SMAD3: variants seen among roughly 807,000 people sequenced by gnomAD.
SMAD3 encodes SMAD family member 3.
Under a neutral mutation model 51.8 loss-of-function variants are expected in SMAD3, and 12 were observed. That is an observed-to-expected ratio of 0.23 (90% confidence interval 0.15 to 0.38). SMAD3 has a LOEUF of 0.38. Ranked by LOEUF, SMAD3 falls within the 10% of genes least tolerant of loss-of-function variation. The pLI is 1.00. For synonymous variants in SMAD3, 238 were observed against 227.7 expected, an observed-to-expected ratio of 1.05 and a Z score of -0.41; for missense variants, 294 against 565.6, an observed-to-expected ratio of 0.52 and a Z score of 4.87.
At chr15:67,135,505 C>G (rs999293556) in intron 1 of SMAD3, among the ~76,000 whole-genome samples, 11 of 152,052 alleles carry the variant, frequency 7.2e-5, no homozygotes, top group African/African-American at 2.7e-4. Flanking sequence ...TAGGCCCTCT[C>G]TAAATAAATA....
At chr15:67,160,663 C>T (rs1408660876) in intron 1 of SMAD3, among the ~76,000 whole-genome samples, 3 of 151,264 alleles carry the variant, frequency 2.0e-5, no homozygotes, top group South Asian at 2.1e-4. Context: ...CCCAGTTGCT[C>T]GGGAGGCTGA....
At chr15:67,110,617 T>C (rs768400127) in intron 1 of SMAD3, among the ~76,000 whole-genome samples, 33 of 152,348 alleles carry the variant, frequency 2.2e-4, no homozygotes, top group Non-Finnish European at 4.3e-4. Context: ...GTTCTGCCTC[T>C]CTGTGTCTGT....
chr15:67,160,872 A>G (rs933913223), intron 1 of SMAD3, among the ~76,000 whole-genome samples: 1 of 150,746 alleles, frequency 6.6e-6, no homozygotes, highest in Admixed American at 6.6e-5. Context: ...ATTATCAAAT[A>G]TACGCTTTGC....
chr15:67,150,390 A>G (rs887080446), intron 1 of SMAD3, among the ~76,000 whole-genome samples: 8 of 152,170 alleles, frequency 5.3e-5, no homozygotes, highest in Non-Finnish European at 1.2e-4. Flanking sequence ...AAACTTTAAG[A>G]TTTGTTTTGA....
chr15:67,136,122 AAGGCCAGATCAGTGATT>A (rs1191156511), intron 1 of SMAD3, among the ~76,000 whole-genome samples: 2 of 152,220 alleles, frequency 1.3e-5, no homozygotes, highest in African/African-American at 4.8e-5. Flanking sequence ...CTGAATATCC[AAGGCCAGATCAGTGATT>A]CAAGATCACA....
intron 1 of SMAD3, chr15:67,098,752 T>TCC (rs1460264898): frequency 1.6e-6 from 1 of 634,482 alleles, no homozygotes; most frequent in Non-Finnish European, 2.9e-6. Flanking sequence ...TGTGGAGGCC[T>TCC]CCACAGCCCC....
chr15:67,102,943 C>G (rs780306582), intron 1 of SMAD3, among the ~76,000 whole-genome samples: 2 of 152,156 alleles, frequency 1.3e-5, no homozygotes, highest in Non-Finnish European at 2.9e-5. Context: ...CTCCTAGACT[C>G]CTCTGTACCT....
intron 1 of SMAD3, among the ~76,000 whole-genome samples, chr15:67,130,627 G>A (rs1961502408): frequency 6.6e-6 from 1 of 152,064 alleles, no homozygotes; most frequent in Non-Finnish European, 1.5e-5. Flanking sequence ...AAAGATTGGG[G>A]ACCACTGCCC....
intron 1 of SMAD3, among the ~76,000 whole-genome samples, chr15:67,111,048 G>T (rs1197785181): frequency 1.3e-5 from 2 of 152,244 alleles, no homozygotes; most frequent in Non-Finnish European, 1.5e-5. Flanking sequence ...ATGATTTAGT[G>T]GTTTTTAGTG....
chr15:67,118,763 A>G (rs904414631), intron 1 of SMAD3, among the ~76,000 whole-genome samples: 2 of 152,170 alleles, frequency 1.3e-5, no homozygotes, highest in African/African-American at 4.8e-5. Context: ...TCAAGACACA[A>G]CCCAAATGCT....
chr15:67,195,118 A>T lies in SMAD3; in HGVS notation c.*4582A>T, dbSNP rs1464568670. On this transcript the variant is annotated 3_prime_UTR_variant, in exon 9 of 9. Coordinates refer to ENST00000327367, the MANE Select transcript of SMAD3 (RefSeq NM_005902.4). ...TATTGTTAAAGATTTGTGTCCTCTCATTCCCTCTCTTCCTCTTGTAAGTGC... is the reference window on the plus strand; with the variant it reads ...TATTGTTAAAGATTTGTGTCCTCTCTTTCCCTCTCTTCCTCTTGTAAGTGC... 1 of 233,170 alleles carries T rather than the reference A, an allele frequency of 4.3e-6. No homozygotes were observed. The highest frequency in any genetic ancestry group is 8.5e-6 in the Non-Finnish European group (1 of 117,708). The allele number at this position is 233,170 out of a possible 1,614,324, so 14.4% of individuals were successfully genotyped here.
chr15:67,159,692 C>T (rs2140286876), intron 1 of SMAD3, among the ~76,000 whole-genome samples: 2 of 152,058 alleles, frequency 1.3e-5, no homozygotes, highest in Admixed American at 1.3e-4. Flanking sequence ...TCCCTCTGTC[C>T]CCAGGCAATG....
At chr15:67,082,117 T>A (rs1960291837) in intron 1 of SMAD3, among the ~76,000 whole-genome samples, 1 of 101,228 alleles carries the variant, frequency 9.9e-6, no homozygotes, top group Non-Finnish European at 2.0e-5. Context: ...TCTGCCCTCA[T>A]GGAGCTTGCA....
intron 1 of SMAD3, among the ~76,000 whole-genome samples, chr15:67,115,351 T>C (rs899997209): frequency 2.0e-4 from 30 of 152,094 alleles, no homozygotes; most frequent in African/African-American, 7.2e-4. Context: ...ACAGGTAGAA[T>C]AGAGTCAAAA....
chr15:67,158,244 T>C (rs1962336423), intron 1 of SMAD3, among the ~76,000 whole-genome samples: 1 of 152,234 alleles, frequency 6.6e-6, no homozygotes, highest in Non-Finnish European at 1.5e-5. Flanking sequence ...ACATCAGCTA[T>C]ATTAAATCCA....
intron 1 of SMAD3, among the ~76,000 whole-genome samples, chr15:67,100,037 C>T (rs113523895): frequency 0.029 from 4,409 of 151,986 alleles, 203 homozygotes; most frequent in African/African-American, 0.096. Context: ...CAAAATTAGC[C>T]GGGCATGGTG....
At chr15:67,077,272 G>C (rs899990941) in intron 1 of SMAD3, among the ~76,000 whole-genome samples, 3 of 152,122 alleles carry the variant, frequency 2.0e-5, no homozygotes, top group Admixed American at 2.0e-4. Context: ...TATTTTTGTA[G>C]CATCCGCTCA....
At position 67,192,057 on chromosome 15, in the gene SMAD3, C is replaced by T; in HGVS notation, c.*1521C>T. 4.3e-6 allele frequency: 1 copy of T among 232,270 alleles called. No homozygotes were observed. Among genetic ancestry groups the T allele is most frequent in the Non-Finnish European group, 8.5e-6 (1 of 117,120 alleles). The allele number at this position is 232,270 out of a possible 1,614,324, so 14.4% of individuals were successfully genotyped here. ...CTGTTTTTGTATAAAATGACCTATC[C>T]CACGTTTTTGCATGAATTTATAGCA... On this transcript the variant is annotated 3_prime_UTR_variant, in exon 9 of 9. Transcript: ENST00000327367.
At chr15:67,078,906 C>T (rs28617673) in intron 1 of SMAD3, among the ~76,000 whole-genome samples, 25,579 of 152,126 alleles carry the variant, frequency 0.17, 2,822 homozygotes, top group East Asian at 0.45. Context: ...AAGTTATTTA[C>T]TTAAATCAGA....
Sources: allele counts gnomAD v4.1 joint callset (sites outside exome capture counted in the v4.1 genomes callset), GRCh38; gene constraint gnomAD v4.1.1; transcripts MANE v1.5; gene names NCBI Gene and HGNC (gene_info 2026-07-23, HGNC 2026-07-21).